TMC2: variants seen among roughly 807,000 people sequenced by gnomAD.
TMC2 encodes the protein transmembrane channel-like protein 2.
Under a neutral mutation model 105.9 loss-of-function variants are expected in TMC2, and 102 were observed. The ratio of observed to expected loss-of-function variants is 0.96; its 90% CI spans 0.82 to 1.14. The LOEUF is 1.14. Ranked by LOEUF, TMC2 falls within the 50% of genes most tolerant of loss-of-function variation. The probability of loss-of-function intolerance (pLI) is 0.00; values close to 1 mark genes in which losing one functional copy is unlikely to be tolerated. For synonymous variants in TMC2, 402 were observed against 422.8 expected (o/e 0.95, Z 0.60); for missense variants, 1,093 against 1,134.3 (o/e 0.96, Z 0.52).
At chr20:2,556,447 C>T (rs903370491) in intron 2 of TMC2, among the ~76,000 whole-genome samples, 5 of 152,088 alleles carry the variant, frequency 3.3e-5, no homozygotes, top group Non-Finnish European at 7.4e-5. Context: ...TGACCTATGT[C>T]GTTTTCCTTC....
Position 2,539,990 on chromosome 20 carries a change from CTT to C in TMC2, c.82+2691_82+2692del, listed in dbSNP as rs57860432. Among the ~76,000 whole-genome samples the C allele has an allele frequency of 4.9e-3, 568 of 115,056 alleles. 1 individual carries two copies. The highest frequency in any genetic ancestry group is 0.018 in the African/African-American group (533 of 29,208). The allele number at this position is 115,056 out of a possible 152,430, so 75.5% of individuals were successfully genotyped here. On this transcript the variant is annotated intron_variant, in intron 2 of 19. Coordinates refer to ENST00000358864, the MANE Select transcript of TMC2 (RefSeq NM_080751.3). The stretch of plus-strand genomic sequence containing the variant: ...CAAGACTATTCTTTTCTTTTCTTTT[CTT>C]TTTTTTTTTTTTTTTTGAGATGGAG...
intron 7 of TMC2, among the ~76,000 whole-genome samples, chr20:2,582,558 C>T (rs1038855739): frequency 6.6e-6 from 1 of 152,184 alleles, no homozygotes; most frequent in Non-Finnish European, 1.5e-5. Context: ...TCGCTGCAGC[C>T]TCCACCTCCT....
chr20:2,564,752 A>T (rs2086052597), intron 4 of TMC2, among the ~76,000 whole-genome samples: 1 of 152,156 alleles, frequency 6.6e-6, no homozygotes, highest in South Asian at 2.1e-4. Context: ...GGCTGGCAGG[A>T]TAGGAAGAAG....
intron 11 of TMC2, among the ~76,000 whole-genome samples, chr20:2,608,413 C>T (rs1341725616): frequency 1.3e-5 from 2 of 151,592 alleles, no homozygotes; most frequent in Non-Finnish European, 2.9e-5. Flanking sequence ...CTGCAACCTC[C>T]GCCTCCCAGG....
rs142078092 is a variant in TMC2, at chr20:2,607,457, C to G, written c.1414-2962C>G. On this transcript the variant is annotated intron_variant, in intron 11 of 19. Coordinates refer to ENST00000358864, the MANE Select transcript of TMC2 (RefSeq NM_080751.3). Reference sequence around the variant, plus strand: ...ACAAATTTCAAAAGTTCAAGAGGCCCAGGCTGTTTTAGCTCATCTCCAGAT... The same window carrying G: ...ACAAATTTCAAAAGTTCAAGAGGCCGAGGCTGTTTTAGCTCATCTCCAGAT... Among the ~76,000 whole-genome samples, 221 of 152,318 alleles carry G rather than the reference C, an allele frequency of 1.5e-3. 1 individual carries two copies. The highest frequency in any genetic ancestry group is 4.9e-3 in the African/African-American group (204 of 41,566).
chr20:2,589,965 G>A (rs1296287665), intron 7 of TMC2, among the ~76,000 whole-genome samples: 1 of 152,160 alleles, frequency 6.6e-6, no homozygotes, highest in African/African-American at 2.4e-5. Context: ...CACCGCGCAT[G>A]GCCGGCAGTA....
At chr20:2,601,972 T>C (rs1467432117) in intron 10 of TMC2, 141 bp from the exon 11 acceptor site, 1 of 487,864 alleles carries the variant, frequency 2.0e-6, no homozygotes, top group East Asian at 3.4e-5. Flanking sequence ...TAATTATCCA[T>C]AGGGCACAGG....
At position 2,602,283 on chromosome 20, in the gene TMC2, C is replaced by A. The variant is rs779101860; in HGVS notation, c.1395C>A (p.Ser465Arg). Residue 465 changes from serine (S) to arginine (R), a missense_variant, in exon 11 of 20, where the codon AGC becomes AGA. Coordinates refer to ENST00000358864, the MANE Select transcript of TMC2 (RefSeq NM_080751.3). The stretch of plus-strand genomic sequence containing the variant: ...AATTCTCCAAAATGCAGAATGTCAG[C>A]TGGTATGAAAGGAATGAGGTAAGAA... ...SQQFSKMQNV[S>R]WYERNEVEIV... The A allele has an allele frequency of 6.2e-7, 1 of 1,602,318 alleles. No individual in the cohort carries two copies. Among genetic ancestry groups the A allele is most frequent in the East Asian group, 2.3e-5 (1 of 44,216 alleles).
rs2146247145 is a variant in TMC2, at chr20:2,616,772, A to G, written c.1941-300A>G. ...TGAGCAGCAATGCTGTTTTATGGAA[A>G]CCGAGGAGAAACAGGCAGGAGACCG... On this transcript the variant is annotated intron_variant, in intron 15 of 19. Transcript: ENST00000358864. The surrounding 1 kb of genome is among the most constrained non-coding windows in gnomAD (Gnocchi z 4.8). Among the ~76,000 whole-genome samples, 1 of 152,336 alleles carries G rather than the reference A, an allele frequency of 6.6e-6. No homozygotes were observed. Among genetic ancestry groups the G allele is most frequent in the South Asian group, 2.1e-4 (1 of 4,830 alleles).
Position 2,624,336 on chromosome 20 carries a change from G to A in TMC2, c.2246G>A (p.Gly749Asp). The stretch of plus-strand genomic sequence containing the variant: ...GAAAACGATTTCCCAACCTTCCTGG[G>A]CAAGATCTTTGCTTTCCTCGCCAAT... ...TIENDFPTFL[G>D]KIFAFLANPG... Residue 749 changes from glycine (G) to aspartate (D), a missense_variant, in exon 17 of 20, where the codon GGC becomes GAC. Transcript: ENST00000358864. 1 of 1,614,126 alleles carries A rather than the reference G, an allele frequency of 6.2e-7. No homozygotes were observed. The highest frequency in any genetic ancestry group is 8.5e-7 in the Non-Finnish European group (1 of 1,180,010).
intron 9 of TMC2, among the ~76,000 whole-genome samples, chr20:2,596,633 CAAAA>C (rs57798234): frequency 2.0e-5 from 2 of 100,384 alleles, no homozygotes; most frequent in Non-Finnish European, 4.0e-5. Context: ...ACTCTGTTAC[CAAAA>C]AAAAAAAAAA....
Position 2,561,940 on chromosome 20 carries a change from G to T in TMC2, c.484G>T (p.Glu162Ter). 2 of 1,614,182 alleles carry T rather than the reference G, an allele frequency of 1.2e-6. No homozygotes were observed. The highest frequency in any genetic ancestry group is 2.2e-5 in the South Asian group (2 of 91,086). ...GGCCCAGATCCTGGAGCAGGTGGAA[G>T]AAAAAAAGAAGCTCATTGCCACCAT... ...ELAQILEQVE[E>*]KKKLIATMRS... is the part of the protein sequence containing the mutation. Residue 162 changes from glutamate (E) to a stop codon, truncating the protein, a stop_gained, in exon 4 of 20, where the codon GAA becomes TAA. Coordinates refer to ENST00000358864, the MANE Select transcript of TMC2 (RefSeq NM_080751.3). LOFTEE classifies it high-confidence loss of function.
At chr20:2,614,891 A>G (rs1337927650) in intron 14 of TMC2, among the ~76,000 whole-genome samples, 5 of 152,148 alleles carry the variant, frequency 3.3e-5, no homozygotes, top group African/African-American at 1.2e-4. Context: ...CAAAGTCTTA[A>G]ACATCAAAAA....
intron 4 of TMC2, among the ~76,000 whole-genome samples, chr20:2,566,146 A>G (rs764874995): frequency 6.6e-6 from 1 of 152,176 alleles, no homozygotes; most frequent in Non-Finnish European, 1.5e-5. Flanking sequence ...TTGGTTGGCT[A>G]CCCAATCCCT....
At chr20:2,581,711 G>C (rs2086191341) in intron 7 of TMC2, among the ~76,000 whole-genome samples, 1 of 152,212 alleles carries the variant, frequency 6.6e-6, no homozygotes, top group Non-Finnish European at 1.5e-5. Flanking sequence ...CTGAAATTTT[G>C]CTGTGCAGTG....
intron 10 of TMC2, among the ~76,000 whole-genome samples, chr20:2,598,157 G>C (rs545118331): frequency 2.0e-5 from 3 of 147,614 alleles, no homozygotes; most frequent in Non-Finnish European, 4.5e-5. Flanking sequence ...ACTTATTCAT[G>C]TAACCAAACA....
chr20:2,572,326 G>A (rs1274691401), intron 5 of TMC2, 57 bp downstream of exon 5: 3 of 1,430,344 alleles, frequency 2.1e-6, no homozygotes, highest in African/African-American at 2.8e-5. Flanking sequence ...TTTGGAATCT[G>A]GCGACCAACT....
intron 16 of TMC2, among the ~76,000 whole-genome samples, chr20:2,619,146 A>G (rs1484548586): frequency 6.6e-6 from 1 of 152,162 alleles, no homozygotes; most frequent in Admixed American, 6.5e-5. Context: ...AATCCAAAGG[A>G]GGAAGGAGAC....
At position 2,594,856 on chromosome 20, in the gene TMC2, G is replaced by C; in HGVS notation, c.965G>C (p.Gly322Ala). The change falls in exon 9 of 20, where the codon GGC (glycine) becomes GCC (alanine). Residue 322 changes from glycine to alanine, a missense_variant. Gly to Ala is a moderately conservative substitution (Grantham distance 60). Coordinates refer to ENST00000358864, the MANE Select transcript of TMC2 (RefSeq NM_080751.3). ...GYIKYSALFY[G>A]YYNNQRTIGW... is the part of the protein sequence containing the mutation. ...ATCAAGTACTCTGCACTCTTCTATG[G>C]CTACTACAACAACCAGAGGACCATC... is the stretch of plus-strand genomic sequence containing the variant. 6.2e-7 allele frequency: 1 copy of C among 1,614,134 alleles called. No homozygotes were observed. Among genetic ancestry groups the C allele is most frequent in the Non-Finnish European group, 8.5e-7 (1 of 1,180,038 alleles).
Sources: gnomAD v4.1 joint callset for allele counts (sites outside exome capture counted in the v4.1 genomes callset) on GRCh38, gnomAD v4.1.1 for gene constraint, Gnocchi (gnomAD v3.1) non-coding constraint, MANE v1.5 for transcripts, NCBI Gene and HGNC (gene_info 2026-07-23, HGNC 2026-07-21) for gene names.